Variants in ZNF521 observed in about 807,000 individuals in gnomAD.
The protein encoded by ZNF521 is LYST-interacting protein 3.
In ZNF521, 14 loss-of-function variants were observed where a neutral mutation model predicts 105.5. The observed-to-expected ratio is 0.13, with a 90% CI of 0.09 to 0.21. The LOEUF (loss-of-function observed/expected upper bound fraction) is 0.21. Ranked by LOEUF, ZNF521 falls within the 10% of genes least tolerant of loss-of-function variation. ZNF521 has a pLI of 1.00. For missense variants in ZNF521, 1,233 were observed against 1,629.7 expected, an observed-to-expected ratio of 0.76 and a Z score of 4.19; for synonymous variants, 635 against 606.0, an observed-to-expected ratio of 1.05 and a Z score of -0.70.
At chr18:25,120,292 G>T (rs2034407698) in intron 5 of ZNF521, among the ~76,000 whole-genome samples, 1 of 152,076 alleles carries the variant, frequency 6.6e-6, no homozygotes, top group African/African-American at 2.4e-5. Flanking sequence ...TATAAAACTT[G>T]TAGGATCAGG....
intron 5 of ZNF521, among the ~76,000 whole-genome samples, chr18:25,150,028 T>C (rs2035016890): frequency 6.6e-6 from 1 of 152,202 alleles, no homozygotes; most frequent in South Asian, 2.1e-4. Flanking sequence ...GCTCAGTATA[T>C]CTTTGTACCC....
At chr18:25,335,573 C>A (rs1369662027) in intron 2 of ZNF521, among the ~76,000 whole-genome samples, 1 of 152,186 alleles carries the variant, frequency 6.6e-6, no homozygotes, top group Non-Finnish European at 1.5e-5. Context: ...CACTTTCTAT[C>A]ATTTAAAGAT....
intron 5 of ZNF521, among the ~76,000 whole-genome samples, chr18:25,180,196 G>C (rs1291054772): frequency 6.6e-6 from 1 of 152,104 alleles, no homozygotes; most frequent in Non-Finnish European, 1.5e-5. Context: ...TTTAGCTAAT[G>C]TATCCTTATA....
In ZNF521 at chr18:25,149,987, C is replaced by T. The variant is rs111647183; in HGVS notation, c.3658+45173G>A. On this transcript the variant is annotated intron_variant, in intron 5 of 7. Transcript: ENST00000361524. The stretch of plus-strand genomic sequence containing the variant: ...ATAACTATTCTTGTTTTTGGTCTTT[C>T]TGCCTATGGATCATGAGCTCCCTGA... 4.1e-4 allele frequency among the ~76,000 whole-genome samples: 63 copies of T among 152,292 alleles called. 1 individual carries two copies. The highest frequency in any genetic ancestry group is 4.1e-3 in the East Asian group (21 of 5,182).
intron 2 of ZNF521, among the ~76,000 whole-genome samples, chr18:25,330,862 C>T (rs989062756): frequency 6.6e-6 from 1 of 152,018 alleles, no homozygotes; most frequent in Non-Finnish European, 1.5e-5. Flanking sequence ...ACAAAGAATG[C>T]GACAGAGCAG....
At chr18:25,249,806 T>C (rs1907987031) in intron 3 of ZNF521, among the ~76,000 whole-genome samples, 1 of 152,190 alleles carries the variant, frequency 6.6e-6, no homozygotes, top group African/African-American at 2.4e-5. Flanking sequence ...ATAAAAGAAT[T>C]GTACTCTGCC....
chr18:25,319,431 TA>T (rs1453259505), intron 3 of ZNF521, among the ~76,000 whole-genome samples: 7 of 151,954 alleles, frequency 4.6e-5, no homozygotes, highest in Admixed American at 6.6e-5. Context: ...CTGTCTCTAC[TA>T]AAAAGTACAA....
chr18:25,186,464 G>A (rs569388867), intron 5 of ZNF521, among the ~76,000 whole-genome samples: 8 of 152,180 alleles, frequency 5.3e-5, no homozygotes, highest in South Asian at 2.1e-4. Context: ...GGAATAACAG[G>A]GTAGAAATAA....
At chr18:25,147,672 C>A (rs2034969714) in intron 5 of ZNF521, among the ~76,000 whole-genome samples, 1 of 152,086 alleles carries the variant, frequency 6.6e-6, no homozygotes, top group Non-Finnish European at 1.5e-5. Flanking sequence ...ATAAAAGAGG[C>A]CTATATTCAG....
intron 5 of ZNF521, among the ~76,000 whole-genome samples, chr18:25,120,163 T>C (rs1303683248): frequency 6.6e-6 from 1 of 152,240 alleles, no homozygotes; most frequent in African/African-American, 2.4e-5. Context: ...CCAGATCAGA[T>C]GGTTTCATTG....
chr18:25,272,905 T>TATA (rs143978828), intron 3 of ZNF521, among the ~76,000 whole-genome samples: 10,214 of 151,590 alleles, frequency 0.067, 400 homozygotes, highest in African/African-American at 0.11. Flanking sequence ...GAACTTAAAG[T>TATA]ATAATAATAA....
chr18:25,074,752 G>A (rs2033318801), intron 7 of ZNF521, among the ~76,000 whole-genome samples: 1 of 152,062 alleles, frequency 6.6e-6, no homozygotes, highest in African/African-American at 2.4e-5. Flanking sequence ...CACACGTGAA[G>A]TTCCCATTCT....
intron 5 of ZNF521, among the ~76,000 whole-genome samples, chr18:25,184,356 G>C (rs2035684967): frequency 6.6e-6 from 1 of 152,040 alleles, no homozygotes; most frequent in Non-Finnish European, 1.5e-5. Flanking sequence ...CTAATTTAAA[G>C]AAAACCCCCT....
chr18:25,183,682 C>T (rs1471146187), intron 5 of ZNF521, among the ~76,000 whole-genome samples: 4 of 152,112 alleles, frequency 2.6e-5, no homozygotes, highest in Admixed American at 1.3e-4. Flanking sequence ...AATGTGAGAG[C>T]CATGAAAGCA....
chr18:25,247,237 T>C (rs1014283140), intron 3 of ZNF521, among the ~76,000 whole-genome samples: 2 of 152,146 alleles, frequency 1.3e-5, no homozygotes, highest in Admixed American at 1.3e-4. Flanking sequence ...AAATCAGGAA[T>C]GTTAATAGAC....
At position 25,091,770 on chromosome 18, in the gene ZNF521, T is replaced by C. The variant is rs552539619; in HGVS notation, c.3790+180A>G. Among the ~76,000 whole-genome samples, 7 of 152,358 alleles carry C rather than the reference T, an allele frequency of 4.6e-5. No individual in the cohort carries two copies. The South Asian group carries it at 1.2e-3, about 27-fold the overall frequency. On this transcript the variant is annotated intron_variant, in intron 6 of 7. Coordinates refer to ENST00000361524, the MANE Select transcript of ZNF521 (RefSeq NM_015461.3). ...CTGACAGTTAACCTTCCTGCTCATG[T>C]GAGCCTTTAAGTAGGCTGCAATCAA...
chr18:25,071,317 C>T (rs905225335), intron 7 of ZNF521, among the ~76,000 whole-genome samples: 1 of 152,108 alleles, frequency 6.6e-6, no homozygotes, highest in African/African-American at 2.4e-5. Context: ...ATGTAAAGAA[C>T]CAAGTATTTC....
intron 3 of ZNF521, among the ~76,000 whole-genome samples, chr18:25,280,371 A>AAGACC (rs1910287821): frequency 6.6e-6 from 1 of 152,184 alleles, no homozygotes; most frequent in African/African-American, 2.4e-5. Flanking sequence ...TACAAAGAAA[A>AAGACC]AGACCCTCTC....
At chr18:25,327,922 T>G (rs953170395) in intron 2 of ZNF521, among the ~76,000 whole-genome samples, 1 of 152,002 alleles carries the variant, frequency 6.6e-6, no homozygotes, top group African/African-American at 2.4e-5. Flanking sequence ...GGGCTGAGCA[T>G]CCCCGGAACC....
Sources: allele counts gnomAD v4.1 joint callset (sites outside exome capture counted in the v4.1 genomes callset), GRCh38; gene constraint gnomAD v4.1.1; transcripts MANE v1.5; gene names NCBI Gene and HGNC (gene_info 2026-07-23, HGNC 2026-07-21).